The following DDX50 variants were observed in gnomAD, a reference collection of about 807,000 sequenced individuals.
The protein encoded by DDX50 is ATP-dependent RNA helicase DDX50.
Under a neutral mutation model 94.8 loss-of-function variants are expected in DDX50, and 56 were observed. The observed-to-expected ratio is 0.59, with a 90% CI of 0.48 to 0.74. The LOEUF (loss-of-function observed/expected upper bound fraction) is 0.74. DDX50 is among the 30% of genes least tolerant of loss of function. The pLI, the probability that DDX50 is intolerant of heterozygous loss-of-function variation, is 0.00. For synonymous variants in DDX50, 264 were observed against 295.4 expected, an observed-to-expected ratio of 0.89 and a Z score of 1.09; for missense variants, 713 against 881.2, an observed-to-expected ratio of 0.81 and a Z score of 2.42.
chr10:68,935,871 C>T (rs1842394694), intron 10 of DDX50, 135 bp from the exon 11 acceptor site: 1 of 634,832 alleles, frequency 1.6e-6, no homozygotes, highest in Non-Finnish European at 2.6e-6. Context: ...AAAGATAAAA[C>T]TGATCTTTTA....
chr10:68,937,161 T>C (rs1842442863), intron 12 of DDX50, 66 bp downstream of exon 12: 2 of 1,429,244 alleles, frequency 1.4e-6, no homozygotes, highest in South Asian at 1.6e-5. Flanking sequence ...GGAAATATTG[T>C]AGTGAATTAT....
At chr10:68,936,861 T>G in intron 11 of DDX50, 75 bp from the exon 12 acceptor site, 2 of 1,450,206 alleles carry the variant, frequency 1.4e-6, no homozygotes, top group South Asian at 1.4e-5. Context: ...AATTACTCCT[T>G]CTTTTTCCCA....
intron 8 of DDX50, among the ~76,000 whole-genome samples, chr10:68,931,258 T>TA: frequency 6.6e-6 from 1 of 151,600 alleles, no homozygotes. Context: ...AGGTCATTAT[T>TA]ATATTTGTGG....
intron 1 of DDX50, among the ~76,000 whole-genome samples, chr10:68,902,438 A>G (rs1841320529): frequency 6.6e-6 from 1 of 152,210 alleles, no homozygotes; most frequent in Non-Finnish European, 1.5e-5. Flanking sequence ...TAAACTTGCC[A>G]TTTCAGCTAA....
intron 2 of DDX50, among the ~76,000 whole-genome samples, chr10:68,907,863 G>A (rs1396955365): frequency 4.6e-5 from 7 of 151,852 alleles, no homozygotes; most frequent in Admixed American, 6.6e-5. Context: ...GATTTTGCCT[G>A]GTAAAATCTG....
At chr10:68,945,509 G>A (rs75322159) in intron 14 of DDX50, among the ~76,000 whole-genome samples, 10,848 of 151,988 alleles carry the variant, frequency 0.071, 508 homozygotes, top group African/African-American at 0.12. Context: ...GTTTTACCAC[G>A]TTGGCCAGGC....
chr10:68,940,949 C>G, intron 12 of DDX50, 111 bp from the exon 13 acceptor site: 1 of 1,410,576 alleles, frequency 7.1e-7, no homozygotes, highest in South Asian at 1.5e-5. Context: ...CAATGTTATA[C>G]TTTTGGCTCA....
At chr10:68,929,358 T>TC (rs1842186039) in intron 8 of DDX50, among the ~76,000 whole-genome samples, 1 of 150,524 alleles carries the variant, frequency 6.6e-6, no homozygotes. Flanking sequence ...CTTCTTTCCT[T>TC]CTTTCCTTCC....
Position 68,910,297 on chromosome 10 carries a change from A to G in DDX50, c.385-10A>G. 6.3e-7 allele frequency: 1 copy of G among 1,590,076 alleles called. No homozygotes were observed. Among genetic ancestry groups the G allele is most frequent in the Non-Finnish European group, 8.5e-7 (1 of 1,172,128 alleles). On this transcript the variant is annotated splice_polypyrimidine_tract_variant and intron_variant, in intron 2 of 14. Coordinates refer to ENST00000373585, the MANE Select transcript of DDX50 (RefSeq NM_024045.2). ...ATAAATTATTTAGGCCATTGATTTC[A>G]TTTTTACAGACCTTAACACGTGAAC...
At chr10:68,914,377 A>G (rs1364074501) in intron 7 of DDX50, among the ~76,000 whole-genome samples, 173 bp downstream of exon 7, 1 of 152,210 alleles carries the variant, frequency 6.6e-6, no homozygotes, top group Non-Finnish European at 1.5e-5. Flanking sequence ...AGAATAGAAT[A>G]AATAGGGGGA....
At chr10:68,923,588 G>T (rs1161413210) in intron 8 of DDX50, among the ~76,000 whole-genome samples, 1 of 151,868 alleles carries the variant, frequency 6.6e-6, no homozygotes, top group Non-Finnish European at 1.5e-5. Flanking sequence ...TATCAGCCAG[G>T]CTGGAGTGCA....
chr10:68,904,307 C>T lies in DDX50; in HGVS notation c.88-2404C>T, dbSNP rs143994752. 3.3e-5 allele frequency among the ~76,000 whole-genome samples: 5 copies of T among 152,060 alleles called. No individual in the cohort carries two copies. The East Asian group carries it at 5.8e-4, about 18-fold the overall frequency. ...GCCTGGGAGACAGAGTAAGACCTGT[C>T]TCAAAAAAACAAAACTGAAGTGAAT... On this transcript the variant is annotated intron_variant, in intron 1 of 14. Coordinates refer to ENST00000373585, the MANE Select transcript of DDX50 (RefSeq NM_024045.2).
chr10:68,907,609 A>G (rs527670192), intron 2 of DDX50, among the ~76,000 whole-genome samples: 1 of 151,620 alleles, frequency 6.6e-6, no homozygotes, highest in East Asian at 1.9e-4. Context: ...GAGCCACCAC[A>G]CTGGGCTGAT....
chr10:68,920,806 G>A (rs143839159), intron 8 of DDX50, among the ~76,000 whole-genome samples: 2,142 of 151,812 alleles, frequency 0.014, 51 homozygotes, highest in African/African-American at 0.048. Context: ...ATTAGCCGGT[G>A]TGGTGGTGGG....
intron 8 of DDX50, among the ~76,000 whole-genome samples, chr10:68,923,988 G>T (rs1255667511): frequency 9.1e-6 from 1 of 110,194 alleles, no homozygotes; most frequent in Admixed American, 1.3e-4. Context: ...CAAGCTCTGT[G>T]GCCCAGGCTG....
chr10:68,913,303 G>T, intron 5 of DDX50, 24 bp downstream of exon 5: 1 of 1,604,956 alleles, frequency 6.2e-7, no homozygotes, highest in Middle Eastern at 1.7e-4. Flanking sequence ...TTTGATAGAC[G>T]TGCAAAGGCA....
At chr10:68,907,098 C>G in intron 2 of DDX50, 91 bp downstream of exon 2, 1 of 1,270,536 alleles carries the variant, frequency 7.9e-7, no homozygotes, top group Non-Finnish European at 1.1e-6. Flanking sequence ...GATTCTATAA[C>G]ATTTCTTGAT....
chr10:68,922,057 A>G (rs1841955068), intron 8 of DDX50, among the ~76,000 whole-genome samples: 1 of 152,094 alleles, frequency 6.6e-6, no homozygotes, highest in Non-Finnish European at 1.5e-5. Context: ...AATTTTTAGC[A>G]TTTGGTTTTA....
rs183404485 is a variant in DDX50 at position 68,946,679 on chromosome 10, T to C, written c.*49T>C. On this transcript the variant is annotated 3_prime_UTR_variant, in exon 15 of 15. Coordinates refer to ENST00000373585, the MANE Select transcript of DDX50 (RefSeq NM_024045.2). ...TGTGAGCTTGCCTATTTCTGCCTAA[T>C]CATGTACATTATCCACCAAAAATTA... The C allele has an allele frequency of 5.7e-6, 9 of 1,572,292 alleles. No homozygotes were observed. In the Admixed American group the frequency reaches 1.4e-4, roughly 24 times the overall value.
Sources: allele counts gnomAD v4.1 joint callset (sites outside exome capture counted in the v4.1 genomes callset), GRCh38; gene constraint gnomAD v4.1.1; transcripts MANE v1.5; gene names NCBI Gene and HGNC (gene_info 2026-07-23, HGNC 2026-07-21).